Variants in MACROD2 observed in about 807,000 individuals in gnomAD.
MACROD2 encodes the protein mono-ADP ribosylhydrolase 2, also known as ADP-ribose glycohydrolase MACROD2.
MACROD2 carries 36 observed loss-of-function variants against 70.4 expected under a neutral mutation model. That is an observed-to-expected ratio of 0.51 (90% CI 0.39 to 0.68). The LOEUF (loss-of-function observed/expected upper bound fraction) is 0.68. Among genes scored for constraint, MACROD2 ranks in the 30% least tolerant of loss-of-function variants. MACROD2 has a pLI of 0.00. For synonymous variants in MACROD2, 172 were observed against 178.8 expected (o/e 0.96, Z 0.30); for missense variants, 496 against 538.4 (o/e 0.92, Z 0.78).
intron 3 of MACROD2, among the ~76,000 whole-genome samples, chr20:14,398,236 T>C (rs1396382235): frequency 6.6e-6 from 1 of 152,104 alleles, no homozygotes; most frequent in African/African-American, 2.4e-5. Flanking sequence ...CTTTGATATA[T>C]TGATTTACTT....
chr20:14,088,030 T>G (rs1329384686), intron 3 of MACROD2, among the ~76,000 whole-genome samples: 1 of 152,064 alleles, frequency 6.6e-6, no homozygotes, highest in Non-Finnish European at 1.5e-5. Flanking sequence ...ATCTTTTAAA[T>G]TTTTAAAAAT....
chr20:14,075,548 A>G (rs2053906668), intron 2 of MACROD2, among the ~76,000 whole-genome samples: 1 of 152,194 alleles, frequency 6.6e-6, no homozygotes, highest in African/African-American at 2.4e-5. Flanking sequence ...AGATCTTTCC[A>G]AAGTGGCTCC....
intron 8 of MACROD2, among the ~76,000 whole-genome samples, chr20:15,591,586 T>TAAAAAAAAAAAAAAAAAAA (rs11471295): frequency 3.1e-5 from 2 of 65,114 alleles, no homozygotes; most frequent in Non-Finnish European, 5.1e-5. Context: ...AAGCCAGTAC[T>TAAAAAAAAAAAAAAAAAAA]AAAAAAAAAA....
intron 8 of MACROD2, among the ~76,000 whole-genome samples, chr20:15,656,630 G>T (rs1338511317): frequency 2.6e-5 from 4 of 152,146 alleles, no homozygotes; most frequent in Non-Finnish European, 5.9e-5. Context: ...TAGTGTAAAT[G>T]AAGGTCAGCT....
At chr20:14,887,738 A>G (rs2073697938) in intron 5 of MACROD2, among the ~76,000 whole-genome samples, 1 of 152,012 alleles carries the variant, frequency 6.6e-6, no homozygotes, top group Non-Finnish European at 1.5e-5. Context: ...CCTTACCAAA[A>G]TGGTATTTTT....
rs147550320 is a variant in MACROD2, at chr20:15,545,773, A to G, written c.645+45926A>G. Among the ~76,000 whole-genome samples, 182 of 152,258 alleles carry G rather than the reference A, an allele frequency of 1.2e-3. No homozygotes were observed. The Middle Eastern group carries it at 0.037, about 31-fold the overall frequency. On this transcript the variant is annotated intron_variant, in intron 8 of 17. Coordinates refer to ENST00000684519, the MANE Select transcript of MACROD2 (RefSeq NM_001351661.2). ...AGCTTTGCCATATTTTCAAGAAAAA[A>G]TATACCTGGAAGTATTGACCAGAAA...
chr20:14,159,834 A>G (rs189395159), intron 3 of MACROD2, among the ~76,000 whole-genome samples: 281 of 152,170 alleles, frequency 1.8e-3, no homozygotes, highest in South Asian at 0.016. Context: ...GGTTTTCCTC[A>G]TTGAGTATAA....
intron 8 of MACROD2, among the ~76,000 whole-genome samples, chr20:15,824,611 G>A (rs1186534029): frequency 6.6e-6 from 1 of 152,162 alleles, no homozygotes; most frequent in Non-Finnish European, 1.5e-5. Context: ...TTGCTGAGTG[G>A]CCTGTGAAAA....
chr20:14,200,020 C>A (rs1254012893), intron 3 of MACROD2, among the ~76,000 whole-genome samples: 1 of 151,936 alleles, frequency 6.6e-6, no homozygotes, highest in Admixed American at 6.6e-5. Flanking sequence ...AAGTGTTTCC[C>A]AATAGCAAAG....
intron 3 of MACROD2, among the ~76,000 whole-genome samples, chr20:14,459,946 A>C (rs149640184): frequency 6.6e-6 from 1 of 151,472 alleles, no homozygotes; most frequent in African/African-American, 2.4e-5. Flanking sequence ...TCATTGTTCA[A>C]CTCCCACTTA....
At chr20:14,549,772 T>A (rs1226688703) in intron 4 of MACROD2, among the ~76,000 whole-genome samples, 2 of 152,286 alleles carry the variant, frequency 1.3e-5, no homozygotes, top group Non-Finnish European at 2.9e-5. Flanking sequence ...ATCTTTGCCC[T>A]TGAAAAACTC....
intron 6 of MACROD2, among the ~76,000 whole-genome samples, chr20:15,421,153 G>A (rs182651001): frequency 2.6e-4 from 40 of 152,194 alleles, no homozygotes; most frequent in African/African-American, 5.8e-4. Context: ...TGAGACAGGC[G>A]GATTGCTTGA....
chr20:14,079,361 G>T (rs540520981), intron 2 of MACROD2, among the ~76,000 whole-genome samples: 4 of 152,208 alleles, frequency 2.6e-5, no homozygotes, highest in Admixed American at 2.6e-4. Context: ...TGCTAACGCA[G>T]GATAAAGCAG....
At chr20:14,364,352 C>T (rs1183789633) in intron 3 of MACROD2, among the ~76,000 whole-genome samples, 1 of 152,132 alleles carries the variant, frequency 6.6e-6, no homozygotes, top group Non-Finnish European at 1.5e-5. Flanking sequence ...CTGCAGTCAT[C>T]GTATAGGATC....
intron 5 of MACROD2, among the ~76,000 whole-genome samples, chr20:14,873,250 C>T (rs1305820657): frequency 6.6e-6 from 1 of 152,096 alleles, no homozygotes; most frequent in South Asian, 2.1e-4. Context: ...TGGTATTATA[C>T]TTACATTTAT....
At chr20:14,149,383 T>C (rs2054986400) in intron 3 of MACROD2, among the ~76,000 whole-genome samples, 1 of 152,188 alleles carries the variant, frequency 6.6e-6, no homozygotes, top group Non-Finnish European at 1.5e-5. Context: ...TACCACATTT[T>C]CTTTATTTAA....
At chr20:15,324,062 A>G (rs910838025) in intron 6 of MACROD2, among the ~76,000 whole-genome samples, 2 of 152,122 alleles carry the variant, frequency 1.3e-5, no homozygotes, top group Non-Finnish European at 2.9e-5. Flanking sequence ...AATTGTACCA[A>G]TGCTCCAGGA....
At chr20:14,720,439 C>G (rs1050828585) in intron 5 of MACROD2, among the ~76,000 whole-genome samples, 1 of 148,808 alleles carries the variant, frequency 6.7e-6, no homozygotes, top group African/African-American at 2.5e-5. Context: ...TGGTTGATAA[C>G]AGTTGTCATA....
At chr20:14,739,799 A>G (rs191773859) in intron 5 of MACROD2, among the ~76,000 whole-genome samples, 6 of 152,178 alleles carry the variant, frequency 3.9e-5, no homozygotes, top group Admixed American at 3.9e-4. Flanking sequence ...ATACTTTGAT[A>G]TATTCACATA....
Sources: allele counts gnomAD v4.1 joint callset (sites outside exome capture counted in the v4.1 genomes callset), GRCh38; gene constraint gnomAD v4.1.1; transcripts MANE v1.5; gene names NCBI Gene and HGNC (gene_info 2026-07-23, HGNC 2026-07-21).